Variants in RNF13 observed in about 807,000 individuals in gnomAD.
RNF13 encodes the protein ring finger protein 13.
In RNF13, 19 loss-of-function variants were observed where a neutral mutation model predicts 37.7. The ratio of observed to expected loss-of-function variants is 0.50; its 90% CI spans 0.35 to 0.74. The LOEUF is 0.74. RNF13 is among the 30% of genes least tolerant of loss of function. RNF13 has a pLI of 0.01. For missense variants in RNF13, 375 were observed against 453.0 expected, an observed-to-expected ratio of 0.83 and a Z score of 1.56; for synonymous variants, 144 against 157.8, an observed-to-expected ratio of 0.91 and a Z score of 0.65.
At chr3:149,858,745 G>A (rs1387124449) in intron 3 of RNF13, among the ~76,000 whole-genome samples, 1 of 152,138 alleles carries the variant, frequency 6.6e-6, no homozygotes, top group Non-Finnish European at 1.5e-5. Context: ...TTGCAAATAA[G>A]CAGTTTTTCT....
Position 149,961,665 on chromosome 3 carries a change from A to G in RNF13, c.*561A>G, listed in dbSNP as rs1204665880. ...TCTTATCCTGACAGGAGCGGTCTAT[A>G]CTAGTGCAGATTTCAACACTTTTTT... On this transcript the variant is annotated 3_prime_UTR_variant, in exon 10 of 10. Transcript: ENST00000392894. 2.6e-5 allele frequency: 5 copies of G among 189,146 alleles called. No homozygotes were observed. Among genetic ancestry groups the G allele is most frequent in the Admixed American group, 2.3e-4 (4 of 17,452 alleles). The allele number at this position is 189,146 out of a possible 1,614,324, so 11.7% of individuals were successfully genotyped here.
In RNF13 at chr3:149,916,366, A is replaced by G. The variant is rs1325546516; in HGVS notation, c.606+4283A>G. Among the ~76,000 whole-genome samples, 3 of 152,200 alleles carry G rather than the reference A, an allele frequency of 2.0e-5. No homozygotes were observed. The East Asian group carries it at 5.8e-4, about 29-fold the overall frequency. On this transcript the variant is annotated intron_variant, in intron 7 of 9. Transcript: ENST00000392894. Reference sequence around the variant, plus strand: ...TTCATATCCATCTGTGCCTTTCACAATGTTGTCAGAAATTATTGCCTTATT... The same window carrying G: ...TTCATATCCATCTGTGCCTTTCACAGTGTTGTCAGAAATTATTGCCTTATT...
intron 3 of RNF13, among the ~76,000 whole-genome samples, chr3:149,861,555 C>T (rs1412665310): frequency 1.3e-5 from 2 of 152,054 alleles, no homozygotes; most frequent in African/African-American, 2.4e-5. Flanking sequence ...TGTTCTCACT[C>T]ATTTGTAGGA....
chr3:149,923,006 G>C (rs1388445792), intron 8 of RNF13, among the ~76,000 whole-genome samples: 2 of 151,814 alleles, frequency 1.3e-5, no homozygotes, highest in Admixed American at 6.6e-5. Context: ...GGAGAAAATA[G>C]AGAAAAAGGC....
At chr3:149,874,375 C>A (rs371267636) in intron 4 of RNF13, among the ~76,000 whole-genome samples, 5 of 152,180 alleles carry the variant, frequency 3.3e-5, no homozygotes, top group African/African-American at 1.2e-4. Context: ...GCAGTATGAT[C>A]TTGGACAAGT....
At chr3:149,909,626 A>G (rs1716785286) in intron 6 of RNF13, among the ~76,000 whole-genome samples, 1 of 152,022 alleles carries the variant, frequency 6.6e-6, no homozygotes, top group South Asian at 2.1e-4. Context: ...CCCACAATAT[A>G]TCTTGACGGT....
intron 7 of RNF13, among the ~76,000 whole-genome samples, chr3:149,915,648 A>G (rs1043739431): frequency 1.3e-5 from 2 of 152,240 alleles, no homozygotes; most frequent in East Asian, 3.8e-4. Flanking sequence ...TATGCATACA[A>G]TGGAATATTA....
chr3:149,817,837 T>TG (rs1323890125), intron 1 of RNF13, among the ~76,000 whole-genome samples: 1 of 151,960 alleles, frequency 6.6e-6, no homozygotes, highest in East Asian at 1.9e-4. Flanking sequence ...TCTTCACAAG[T>TG]GGGGGGCAAA....
chr3:149,935,700 T>G (rs963723376), intron 8 of RNF13, among the ~76,000 whole-genome samples: 1 of 152,228 alleles, frequency 6.6e-6, no homozygotes, highest in African/African-American at 2.4e-5. Context: ...TGACCTCTTG[T>G]TGACACAATT....
intron 1 of RNF13, among the ~76,000 whole-genome samples, chr3:149,815,272 C>G (rs923509375): frequency 6.6e-6 from 1 of 152,014 alleles, no homozygotes; most frequent in African/African-American, 2.4e-5. Flanking sequence ...GTTAAGTTGG[C>G]TAGGAAGGCA....
In RNF13 at chr3:149,864,008, ATTTTTTTTTTTTTTTTT is replaced by A. The variant is rs535062004; in HGVS notation, c.196-8005_196-7989del. ...GCTGGAATGGCAATGTTTGATTGGAATTTTTTTTTTTTTTTTTTTTTTTTTTTTTTTTAGAATGATGA... is the reference window on the plus strand; with the variant it reads ...GCTGGAATGGCAATGTTTGATTGGAATTTTTTTTTTTTTTTAGAATGATGA... On this transcript the variant is annotated intron_variant, in intron 3 of 9. Transcript: ENST00000392894. 1.6e-3 allele frequency among the ~76,000 whole-genome samples: 47 copies of A among 29,654 alleles called. 1 individual carries two copies. The highest frequency in any genetic ancestry group is 2.1e-3 in the Non-Finnish European group (37 of 17,902). 19.5% of individuals were successfully genotyped at this position (29,654 alleles called of 152,430 possible). A position where few individuals can be genotyped will look rare whatever the true frequency, so the allele number is the denominator to read the frequency against.
chr3:149,894,829 CAG>C (rs1246867394), intron 4 of RNF13, among the ~76,000 whole-genome samples: 6 of 152,032 alleles, frequency 3.9e-5, no homozygotes, highest in African/African-American at 1.2e-4. Flanking sequence ...TTACTTATAA[CAG>C]AATATTATTT....
At chr3:149,957,279 G>C (rs900913235) in intron 8 of RNF13, among the ~76,000 whole-genome samples, 7 of 152,066 alleles carry the variant, frequency 4.6e-5, no homozygotes, top group Non-Finnish European at 1.0e-4. Context: ...ATTTTAGTGG[G>C]GGAAAAACTG....
At chr3:149,887,968 AAAAG>A (rs1363599764) in intron 4 of RNF13, among the ~76,000 whole-genome samples, 3 of 152,228 alleles carry the variant, frequency 2.0e-5, no homozygotes, top group Non-Finnish European at 4.4e-5. Context: ...GAGCAAAAAG[AAAAG>A]AAAGACGCTT....
chr3:149,943,609 A>G (rs774926300), intron 8 of RNF13, among the ~76,000 whole-genome samples: 14 of 152,158 alleles, frequency 9.2e-5, no homozygotes, highest in Non-Finnish European at 1.9e-4. Context: ...ATTTAGTGAC[A>G]TGTGTCCATC....
intron 4 of RNF13, among the ~76,000 whole-genome samples, chr3:149,873,276 GA>G (rs1712295937): frequency 6.6e-6 from 1 of 152,154 alleles, no homozygotes; most frequent in South Asian, 2.1e-4. Flanking sequence ...CTGATAATTA[GA>G]AACTAGAATA....
intron 8 of RNF13, among the ~76,000 whole-genome samples, chr3:149,922,777 A>G (rs1718278677): frequency 6.6e-6 from 1 of 152,186 alleles, no homozygotes; most frequent in Non-Finnish European, 1.5e-5. Flanking sequence ...TTAATATCAC[A>G]TAGCCAGTAT....
intron 8 of RNF13, among the ~76,000 whole-genome samples, chr3:149,943,808 G>A (rs943384246): frequency 2.7e-5 from 4 of 150,080 alleles, no homozygotes; most frequent in African/African-American, 9.9e-5. Context: ...GTGTTCTTTT[G>A]TCTTTTTTTT....
At chr3:149,823,225 T>G (rs1720165590) in intron 1 of RNF13, among the ~76,000 whole-genome samples, 1 of 152,248 alleles carries the variant, frequency 6.6e-6, no homozygotes, top group East Asian at 1.9e-4. Context: ...ATGCTGTTGA[T>G]CTAAGTTTTT....
Sources: allele counts gnomAD v4.1 joint callset (sites outside exome capture counted in the v4.1 genomes callset), GRCh38; gene constraint gnomAD v4.1.1; transcripts MANE v1.5; gene names NCBI Gene and HGNC (gene_info 2026-07-23, HGNC 2026-07-21).